Variants in TMEM132C observed in about 807,000 individuals in gnomAD.
The protein encoded by TMEM132C is protein phosphatase 1, regulatory subunit 152.
In TMEM132C, 29 loss-of-function variants were observed where a neutral mutation model predicts 61.4. That is an observed-to-expected ratio of 0.47 (90% CI 0.35 to 0.64). The LOEUF is 0.64. Ranked by LOEUF, TMEM132C falls within the 30% of genes least tolerant of loss-of-function variation. The pLI, the probability that TMEM132C is intolerant of heterozygous loss-of-function variation, is 0.00. For synonymous variants in TMEM132C, 656 were observed against 633.1 expected, an observed-to-expected ratio of 1.04 and a Z score of -0.54; for missense variants, 1,408 against 1,476.9, an observed-to-expected ratio of 0.95 and a Z score of 0.76.
At chr12:128,577,092 C>T (rs1391755574) in intron 3 of TMEM132C, among the ~76,000 whole-genome samples, 1 of 152,132 alleles carries the variant, frequency 6.6e-6, no homozygotes, top group African/African-American at 2.4e-5. Context: ...TTCTTCCCTC[C>T]CCACAGCCCC....
intron 1 of TMEM132C, among the ~76,000 whole-genome samples, chr12:128,410,372 T>TAC (rs3044036): frequency 0.38 from 56,981 of 151,570 alleles, 11,658 homozygotes; most frequent in Non-Finnish European, 0.46. Context: ...TGAATATATA[T>TAC]ACACACACAC....
chr12:128,644,890 C>G (rs1954184177), intron 4 of TMEM132C, among the ~76,000 whole-genome samples: 1 of 152,164 alleles, frequency 6.6e-6, no homozygotes, highest in African/African-American at 2.4e-5. Flanking sequence ...ACGCGTTGTG[C>G]TGCCAGTCTC....
At chr12:128,452,984 A>G (rs1432189714) in intron 2 of TMEM132C, among the ~76,000 whole-genome samples, 1 of 152,196 alleles carries the variant, frequency 6.6e-6, no homozygotes, top group Non-Finnish European at 1.5e-5. Flanking sequence ...AACTACAGAA[A>G]TGGTAGTATA....
chr12:128,536,632 C>G (rs193241742), intron 2 of TMEM132C, among the ~76,000 whole-genome samples: 1 of 152,166 alleles, frequency 6.6e-6, no homozygotes, highest in Non-Finnish European at 1.5e-5. Context: ...CACCACCTTC[C>G]ACCCGCAGTG....
At chr12:128,548,643 A>G (rs1455189120) in intron 3 of TMEM132C, among the ~76,000 whole-genome samples, 1 of 152,196 alleles carries the variant, frequency 6.6e-6, no homozygotes, top group Admixed American at 6.5e-5. Flanking sequence ...GGATGTGGAC[A>G]AATTTGTCAC....
intron 3 of TMEM132C, among the ~76,000 whole-genome samples, chr12:128,607,668 G>A (rs1008799952): frequency 6.6e-6 from 1 of 152,186 alleles, no homozygotes; most frequent in Admixed American, 6.5e-5. Context: ...ATGACTCCTG[G>A]AAATTTTAGC....
chr12:128,553,587 GA>G (rs1331131306), intron 3 of TMEM132C, among the ~76,000 whole-genome samples: 1 of 152,098 alleles, frequency 6.6e-6, no homozygotes, highest in Non-Finnish European at 1.5e-5. Context: ...AATTTATTTA[GA>G]AAGCCCCCTA....
At chr12:128,675,314 C>T (rs769337146) in intron 5 of TMEM132C, among the ~76,000 whole-genome samples, 24 of 152,070 alleles carry the variant, frequency 1.6e-4, no homozygotes, top group African/African-American at 4.8e-4. Flanking sequence ...TCTGCATTAT[C>T]GCTATTATTA....
chr12:128,304,641 A>G (rs145112747), intron 1 of TMEM132C, among the ~76,000 whole-genome samples: 25 of 135,434 alleles, frequency 1.8e-4, no homozygotes, highest in Non-Finnish European at 2.7e-4. Flanking sequence ...AAGAAAGAAA[A>G]AAAAGAAAGA....
intron 3 of TMEM132C, among the ~76,000 whole-genome samples, chr12:128,604,531 A>C (rs201981837): frequency 6.7e-6 from 1 of 149,430 alleles, no homozygotes; most frequent in African/African-American, 2.5e-5. Context: ...TAATGGATGG[A>C]AGATAGATAG....
At chr12:128,613,858 C>T (rs1036415489) in intron 3 of TMEM132C, among the ~76,000 whole-genome samples, 1 of 152,226 alleles carries the variant, frequency 6.6e-6, no homozygotes, top group African/African-American at 2.4e-5. Context: ...TGTTTCACTG[C>T]TACTCTTCAT....
At chr12:128,277,210 A>G (rs1397371751) in intron 1 of TMEM132C, among the ~76,000 whole-genome samples, 1 of 152,236 alleles carries the variant, frequency 6.6e-6, no homozygotes, top group Non-Finnish European at 1.5e-5. Flanking sequence ...TACCAAAGTC[A>G]AAAGAAGGAA....
At chr12:128,555,595 T>C (rs1874306033) in intron 3 of TMEM132C, among the ~76,000 whole-genome samples, 1 of 152,190 alleles carries the variant, frequency 6.6e-6, no homozygotes, top group Non-Finnish European at 1.5e-5. Context: ...CATAAAATTG[T>C]CCCTCCTTTT....
Position 128,313,143 on chromosome 12 carries a change from C to T in TMEM132C, c.85+45656C>T, listed in dbSNP as rs143097543. On this transcript the variant is annotated intron_variant, in intron 1 of 8. Transcript: ENST00000435159. ...CTGCTCTGGGTTGGGAAGGCAGGCT[C>T]GGGGCAGCACAGAGCCAGGCCCTCT... is the stretch of plus-strand genomic sequence containing the variant. 4.0e-3 allele frequency among the ~76,000 whole-genome samples: 612 copies of T among 152,334 alleles called. 1 individual carries two copies. The highest frequency in any genetic ancestry group is 8.9e-3 in the Admixed American group (136 of 15,296).
intron 1 of TMEM132C, among the ~76,000 whole-genome samples, chr12:128,350,695 C>T (rs1402603005): frequency 6.6e-6 from 1 of 151,870 alleles, no homozygotes; most frequent in Non-Finnish European, 1.5e-5. Context: ...GGAGCTGTTC[C>T]CAGTATCCAC....
intron 2 of TMEM132C, among the ~76,000 whole-genome samples, chr12:128,470,160 C>T (rs1434592862): frequency 6.6e-6 from 1 of 152,174 alleles, no homozygotes; most frequent in Non-Finnish European, 1.5e-5. Flanking sequence ...GCGTGGATGG[C>T]AGGACCTGGT....
At chr12:128,343,339 A>G (rs1873038916) in intron 1 of TMEM132C, among the ~76,000 whole-genome samples, 1 of 150,978 alleles carries the variant, frequency 6.6e-6, no homozygotes. Flanking sequence ...CAGGAGAATC[A>G]CCTGAACCTG....
intron 1 of TMEM132C, among the ~76,000 whole-genome samples, chr12:128,324,965 A>G (rs1337888616): frequency 6.6e-6 from 1 of 152,232 alleles, no homozygotes; most frequent in African/African-American, 2.4e-5. Flanking sequence ...CTGTTATAAA[A>G]TTTTATAAAC....
intron 3 of TMEM132C, among the ~76,000 whole-genome samples, chr12:128,584,871 G>A (rs950856547): frequency 5.3e-5 from 8 of 152,162 alleles, no homozygotes; most frequent in South Asian, 2.1e-4. Flanking sequence ...TGGTGGCCTC[G>A]GGGCAGTTAG....
Sources: allele counts gnomAD v4.1 joint callset (sites outside exome capture counted in the v4.1 genomes callset), GRCh38; gene constraint gnomAD v4.1.1; transcripts MANE v1.5; gene names NCBI Gene and HGNC (gene_info 2026-07-23, HGNC 2026-07-21).